ADAM2: variants seen among roughly 807,000 people sequenced by gnomAD.
ADAM2 encodes disintegrin and metalloproteinase domain-containing protein 2.
ADAM2 carries 101 observed loss-of-function variants against 99.3 expected under a neutral mutation model. The observed-to-expected ratio is 1.02, with a 90% CI of 0.87 to 1.20. The LOEUF is 1.20. ADAM2 is among the 50% of genes most tolerant of loss of function. The pLI, the probability that ADAM2 is intolerant of heterozygous loss-of-function variation, is 0.00. For synonymous variants in ADAM2, 323 were observed against 287.6 expected (o/e 1.12, Z -1.25); for missense variants, 948 against 878.7 (o/e 1.08, Z -1.00).
chr8:39,836,556 G>A (rs954427142), intron 2 of ADAM2, among the ~76,000 whole-genome samples: 1 of 151,630 alleles, frequency 6.6e-6, no homozygotes, highest in Non-Finnish European at 1.5e-5. Flanking sequence ...AAAAATTGAT[G>A]TCTCAAGAAA....
At chr8:39,835,280 T>C (rs190487519) in intron 2 of ADAM2, among the ~76,000 whole-genome samples, 1 of 152,354 alleles carries the variant, frequency 6.6e-6, no homozygotes, top group Admixed American at 6.5e-5. Flanking sequence ...GCCTTTCACA[T>C]GTTGCATTTC....
chr8:39,768,520 C>T (rs1455887151), intron 12 of ADAM2, among the ~76,000 whole-genome samples: 2 of 152,110 alleles, frequency 1.3e-5, no homozygotes, highest in Non-Finnish European at 2.9e-5. Context: ...ACTAGCTCTT[C>T]TTAATTATGT....
intron 20 of ADAM2, among the ~76,000 whole-genome samples, chr8:39,744,473 T>C (rs777849921): frequency 3.3e-5 from 5 of 152,040 alleles, no homozygotes; most frequent in Admixed American, 6.6e-5. Context: ...AACTCACTCA[T>C]GTCCTTTGCA....
intron 13 of ADAM2, 53 bp from the exon 14 acceptor site, chr8:39,767,096 CA>C (rs1252935277): frequency 4.3e-5 from 69 of 1,598,238 alleles, no homozygotes; most frequent in Non-Finnish European, 9.4e-6. Context: ...AATACATAAG[CA>C]TAATAATGAT....
chr8:39,783,409 G>A (rs900392017), intron 10 of ADAM2, among the ~76,000 whole-genome samples: 1 of 151,570 alleles, frequency 6.6e-6, no homozygotes, highest in Non-Finnish European at 1.5e-5. Context: ...TCTCACATTT[G>A]CTCTATATAT....
intron 9 of ADAM2, among the ~76,000 whole-genome samples, chr8:39,787,576 A>G (rs1452321599): frequency 1.4e-5 from 1 of 71,438 alleles, no homozygotes; most frequent in Non-Finnish European, 2.5e-5. Flanking sequence ...ATACACACAT[A>G]ATATATGTAT....
chr8:39,826,283 C>T (rs1261282286), intron 3 of ADAM2, among the ~76,000 whole-genome samples: 1 of 152,048 alleles, frequency 6.6e-6, no homozygotes, highest in African/African-American at 2.4e-5. Flanking sequence ...AGAAATAAAA[C>T]AACGCATTTA....
intron 7 of ADAM2, among the ~76,000 whole-genome samples, chr8:39,796,549 A>G (rs1803959441): frequency 6.6e-6 from 1 of 152,178 alleles, no homozygotes; most frequent in Admixed American, 6.5e-5. Context: ...TCCTTTGAGT[A>G]TATACCCAGT....
At chr8:39,782,977 A>G (rs1271671549) in intron 10 of ADAM2, among the ~76,000 whole-genome samples, 3 of 152,238 alleles carry the variant, frequency 2.0e-5, no homozygotes, top group South Asian at 2.1e-4. Flanking sequence ...ATTCAAACTG[A>G]CCTTATTTTT....
intron 10 of ADAM2, among the ~76,000 whole-genome samples, chr8:39,783,382 C>T (rs776200739): frequency 8.6e-5 from 13 of 151,854 alleles, no homozygotes; most frequent in Admixed American, 3.3e-4. Flanking sequence ...GATTATGGAC[C>T]TCTTTTTCCT....
In ADAM2 at chr8:39,788,650, C is replaced by A; in HGVS notation, c.642+19G>T. ...TAGTAACACAAGAAGTGCAAAAGTA[C>A]TAAGAAGCAAAGACTTACAGCATTC... On this transcript the variant is annotated intron_variant, in intron 8 of 20. Coordinates refer to ENST00000265708, the MANE Select transcript of ADAM2 (RefSeq NM_001464.5). The A allele has an allele frequency of 6.5e-7, 1 of 1,541,282 alleles. No individual in the cohort carries two copies. Among genetic ancestry groups the A allele is most frequent in the Middle Eastern group, 1.7e-4 (1 of 5,852 alleles).
At chr8:39,786,827 T>A in intron 10 of ADAM2, 147 bp downstream of exon 10, 1 of 567,020 alleles carries the variant, frequency 1.8e-6, no homozygotes, top group African/African-American at 2.0e-5. Flanking sequence ...GAATGAGTAC[T>A]TCTTATAGTT....
intron 10 of ADAM2, among the ~76,000 whole-genome samples, chr8:39,779,676 A>C (rs1432128183): frequency 6.6e-6 from 1 of 152,176 alleles, no homozygotes; most frequent in Non-Finnish European, 1.5e-5. Context: ...TGGTGAATAT[A>C]CCTGTTTAGA....
chr8:39,837,221 T>C lies in ADAM2; in HGVS notation c.56-9A>G, dbSNP rs1805865061. The C allele has an allele frequency of 1.9e-6, 3 of 1,589,032 alleles. No homozygotes were observed. The highest frequency in any genetic ancestry group is 1.3e-5 in the African/African-American group (1 of 74,154). ...AGGTAAACTATCAAAATCTGCAAAA[T>C]GTGCAAAATGTTTTATTAGAACAAT... On this transcript the variant is annotated splice_polypyrimidine_tract_variant and intron_variant, in intron 1 of 20. Transcript: ENST00000265708.
At chr8:39,789,378 A>T (rs1184941039) in intron 7 of ADAM2, among the ~76,000 whole-genome samples, 4 of 151,848 alleles carry the variant, frequency 2.6e-5, no homozygotes, top group African/African-American at 9.7e-5. Context: ...ATAAGGCAAT[A>T]GATATCTATA....
intron 3 of ADAM2, among the ~76,000 whole-genome samples, chr8:39,829,664 C>T (rs1489088045): frequency 6.6e-6 from 1 of 151,782 alleles, no homozygotes; most frequent in Non-Finnish European, 1.5e-5. Context: ...AGTCATATGT[C>T]CTATAAAATC....
In ADAM2 at chr8:39,777,048, G is replaced by A; in HGVS notation, c.1005C>T (p.Val335=). ...DINKCQCSGA[V]CIMNPEAIHF... is the part of the protein sequence containing the mutation. ...ACATTGCTTCTGGATTCATAATGCA[G>A]ACAGCTCCTGAGCACTGGCATTTGT... Residue 335 remains valine (V), a synonymous_variant, in exon 11 of 21, where the codon GTC becomes GTT. Transcript: ENST00000265708. 1 of 1,588,330 alleles carries A rather than the reference G, an allele frequency of 6.3e-7. No homozygotes were observed. Among genetic ancestry groups the A allele is most frequent in the Non-Finnish European group, 8.6e-7 (1 of 1,157,468 alleles).
rs545202723 is a variant in ADAM2, at chr8:39,821,145, T to G, written c.370A>C (p.Ser124Arg). 1.2e-6 allele frequency: 2 copies of G among 1,601,586 alleles called. No homozygotes were observed. Among genetic ancestry groups the G allele is most frequent in the Non-Finnish European group, 1.7e-6 (2 of 1,175,396 alleles). Residue 124 changes from serine (S) to arginine (R), a missense_variant, in exon 6 of 21, where the codon AGT becomes CGT. Coordinates refer to ENST00000265708, the MANE Select transcript of ADAM2 (RefSeq NM_001464.5). ...LRGVLQFENV[S>R]YGIEPLESSV... ...GACTCCAGGGGTTCTATTCCATAAC[T>G]AACATTTTCAAACTGTAGTACGCCC...
intron 3 of ADAM2, among the ~76,000 whole-genome samples, chr8:39,826,689 C>T (rs1457018053): frequency 6.6e-6 from 1 of 151,196 alleles, no homozygotes; most frequent in Non-Finnish European, 1.5e-5. Context: ...CGCCACTGCA[C>T]TCCAGCCTTG....
Sources: allele counts gnomAD v4.1 joint callset (sites outside exome capture counted in the v4.1 genomes callset), GRCh38; gene constraint gnomAD v4.1.1; transcripts MANE v1.5; gene names NCBI Gene and HGNC (gene_info 2026-07-23, HGNC 2026-07-21).